The following CHST8 variants were observed in gnomAD, a reference collection of about 807,000 sequenced individuals.
The protein encoded by CHST8 is carbohydrate sulfotransferase 8.
Under a neutral mutation model 15.0 loss-of-function variants are expected in CHST8, and 10 were observed. That is an observed-to-expected ratio of 0.67 (90% CI 0.41 to 1.13). CHST8 has a LOEUF of 1.13. Ranked by LOEUF, CHST8 falls within the 50% of genes most tolerant of loss-of-function variation. The probability of loss-of-function intolerance (pLI) is 0.00; values close to 1 mark genes in which losing one functional copy is unlikely to be tolerated. For synonymous variants in CHST8, 259 were observed against 256.6 expected, an observed-to-expected ratio of 1.01 and a Z score of -0.09; for missense variants, 634 against 608.2, an observed-to-expected ratio of 1.04 and a Z score of -0.45.
At chr19:33,666,408 T>C (rs1972661634) in intron 1 of CHST8, among the ~76,000 whole-genome samples, 1 of 152,164 alleles carries the variant, frequency 6.6e-6, no homozygotes, top group South Asian at 2.1e-4. Flanking sequence ...GCCTCGCGTT[T>C]CTAGAGTCAC....
At chr19:33,636,537 A>G (rs1341944802) in intron 1 of CHST8, among the ~76,000 whole-genome samples, 4 of 152,160 alleles carry the variant, frequency 2.6e-5, no homozygotes, top group Admixed American at 6.6e-5. Flanking sequence ...CCAGACCCCA[A>G]GAGAGGGTTC....
At chr19:33,635,888 T>C (rs1403870790) in intron 1 of CHST8, among the ~76,000 whole-genome samples, 8 of 152,118 alleles carry the variant, frequency 5.3e-5, no homozygotes, top group Non-Finnish European at 1.0e-4. Context: ...ATGGACAGTG[T>C]GAGCCAACTA....
At chr19:33,632,291 C>T (rs577955002) in intron 1 of CHST8, among the ~76,000 whole-genome samples, 26 of 152,220 alleles carry the variant, frequency 1.7e-4, no homozygotes, top group African/African-American at 5.8e-4. Flanking sequence ...AAGCTCCCAT[C>T]GCCATGCCTG....
chr19:33,671,081 G>A (rs1972730891), intron 2 of CHST8, among the ~76,000 whole-genome samples: 1 of 152,030 alleles, frequency 6.6e-6, no homozygotes, highest in South Asian at 2.1e-4. Flanking sequence ...ATAACGAGCA[G>A]CTAAGTTTCC....
chr19:33,653,473 A>G (rs192306047), intron 1 of CHST8, among the ~76,000 whole-genome samples: 17 of 152,284 alleles, frequency 1.1e-4, no homozygotes, highest in African/African-American at 4.1e-4. Context: ...TTGGAAGTTG[A>G]GGCACTTATT....
chr19:33,683,924 C>T (rs1303195281), intron 2 of CHST8, among the ~76,000 whole-genome samples: 3 of 152,178 alleles, frequency 2.0e-5, no homozygotes, highest in African/African-American at 7.2e-5. Context: ...GAGCAGGGGA[C>T]TCAGTTTCTT....
At chr19:33,668,344 C>T (rs1281679348) in intron 2 of CHST8, among the ~76,000 whole-genome samples, 2 of 152,274 alleles carry the variant, frequency 1.3e-5, no homozygotes, top group East Asian at 1.9e-4. Context: ...GGAGAGCCTT[C>T]GCTGGCCTTC....
At chr19:33,719,012 C>A (rs1396518277) in intron 3 of CHST8, among the ~76,000 whole-genome samples, 1 of 152,068 alleles carries the variant, frequency 6.6e-6, no homozygotes, top group Non-Finnish European at 1.5e-5. Context: ...CACTCCAGGG[C>A]TTCCACCCGA....
chr19:33,658,569 G>A (rs1225165318), intron 1 of CHST8, among the ~76,000 whole-genome samples: 1 of 152,046 alleles, frequency 6.6e-6, no homozygotes, highest in African/African-American at 2.4e-5. Flanking sequence ...TTACTTTCCC[G>A]TAGCACTTTA....
intron 1 of CHST8, among the ~76,000 whole-genome samples, chr19:33,630,188 C>T (rs1191485575): frequency 6.6e-6 from 1 of 152,234 alleles, no homozygotes; most frequent in Non-Finnish European, 1.5e-5. Context: ...AACACTGACC[C>T]TGACCTGCCA....
chr19:33,773,115 C>G lies in CHST8; in HGVS notation c.*52C>G, dbSNP rs759711696. 1.3e-6 allele frequency: 2 copies of G among 1,519,038 alleles called. No homozygotes were observed. Among genetic ancestry groups the G allele is most frequent in the Middle Eastern group, 2.0e-4 (1 of 4,932 alleles). The allele number at this position is 1,519,038 out of a possible 1,614,324, so 94.1% of individuals were successfully genotyped here. A position where few individuals can be genotyped will look rare whatever the true frequency, so the allele number is the denominator to read the frequency against. On this transcript the variant is annotated 3_prime_UTR_variant, in exon 5 of 5. Transcript: ENST00000650847. ...CCTGCCCCGGTCACTCACCTGTGCTCCCGGGCATCCTCCTGTCCCTGGCTC... is the reference window on the plus strand; with the variant it reads ...CCTGCCCCGGTCACTCACCTGTGCTGCCGGGCATCCTCCTGTCCCTGGCTC...
chr19:33,649,557 G>C (rs970667867), intron 1 of CHST8, among the ~76,000 whole-genome samples: 1 of 152,180 alleles, frequency 6.6e-6, no homozygotes, highest in African/African-American at 2.4e-5. Flanking sequence ...GAAGAACTAT[G>C]AACATTCATG....
intron 1 of CHST8, among the ~76,000 whole-genome samples, chr19:33,661,626 C>T (rs1397589385): frequency 1.3e-5 from 2 of 152,232 alleles, no homozygotes; most frequent in Non-Finnish European, 2.9e-5. Context: ...GCAGGCTGCT[C>T]AGTTCCTGCC....
At chr19:33,641,267 G>A (rs1471522582) in intron 1 of CHST8, among the ~76,000 whole-genome samples, 1 of 152,188 alleles carries the variant, frequency 6.6e-6, no homozygotes, top group Non-Finnish European at 1.5e-5. Context: ...TAAACCCATG[G>A]TAGGCTGGGT....
chr19:33,770,218 C>T (rs1051774666), intron 3 of CHST8, among the ~76,000 whole-genome samples: 8 of 152,192 alleles, frequency 5.3e-5, no homozygotes, highest in African/African-American at 9.6e-5. Context: ...CTGCCCAGGA[C>T]GTGGAGACAG....
intron 3 of CHST8, among the ~76,000 whole-genome samples, chr19:33,765,070 A>ATATATATATATATATATATATG (rs71181381): frequency 0.014 from 1,583 of 112,872 alleles, 80 homozygotes; most frequent in Admixed American, 0.038. Flanking sequence ...ATATATATAT[A>ATATATATATATATATATATATG]TATCAGAGTT....
chr19:33,765,513 T>G (rs867443391), intron 3 of CHST8, among the ~76,000 whole-genome samples: 15 of 131,604 alleles, frequency 1.1e-4, no homozygotes, highest in African/African-American at 4.2e-4. Context: ...ATGCCAGTCT[T>G]TGTGTGTGTG....
chr19:33,643,402 T>C (rs1337157000), intron 1 of CHST8, among the ~76,000 whole-genome samples: 1 of 152,242 alleles, frequency 6.6e-6, no homozygotes, highest in Non-Finnish European at 1.5e-5. Context: ...ACCAGTTCTC[T>C]GCTCCCTCCC....
chr19:33,743,830 C>T (rs1223606955), intron 3 of CHST8, among the ~76,000 whole-genome samples: 15 of 148,606 alleles, frequency 1.0e-4, no homozygotes, highest in Non-Finnish European at 1.6e-4. Context: ...CTCACTCTGT[C>T]GACCAGGCTG....
Sources: allele counts gnomAD v4.1 joint callset (sites outside exome capture counted in the v4.1 genomes callset), GRCh38; gene constraint gnomAD v4.1.1; transcripts MANE v1.5; gene names NCBI Gene and HGNC (gene_info 2026-07-23, HGNC 2026-07-21).